VAMP4: variants seen among roughly 807,000 people sequenced by gnomAD.
VAMP4 encodes the protein vesicle-associated membrane protein 4.
In VAMP4, 19 loss-of-function variants were observed where a neutral mutation model predicts 23.5. The ratio of observed to expected loss-of-function variants is 0.81; its 90% confidence interval spans 0.56 to 1.19. The LOEUF (loss-of-function observed/expected upper bound fraction) is 1.19, where lower values mean the gene tolerates loss of function less well. Among genes scored for constraint, VAMP4 ranks in the 50% most tolerant of loss-of-function variants. The probability of loss-of-function intolerance (pLI) is 0.00; values close to 1 mark genes in which losing one functional copy is unlikely to be tolerated. For synonymous variants in VAMP4, 31 were observed against 51.0 expected, an observed-to-expected ratio of 0.61 and a Z score of 1.67; for missense variants, 145 against 168.6, an observed-to-expected ratio of 0.86 and a Z score of 0.78.
In VAMP4 at chr1:171,704,538, TAA is replaced by T. The variant is rs749290017; in HGVS notation, c.398-6_398-5del. The T allele has an allele frequency of 1.3e-5, 20 of 1,577,400 alleles. No homozygotes were observed. The highest frequency in any genetic ancestry group is 1.7e-4 in the Middle Eastern group (1 of 5,938). On this transcript the variant is annotated splice_polypyrimidine_tract_variant and splice_region_variant and intron_variant, in intron 7 of 7. Coordinates refer to ENST00000236192, the MANE Select transcript of VAMP4 (RefSeq NM_003762.5). ...CGGTATTTCATGACTATAAGAACTG[TAA>T]GAGAAAACATGAAAAAAGCAATATA... is the stretch of plus-strand genomic sequence containing the variant.
intron 3 of VAMP4, among the ~76,000 whole-genome samples, chr1:171,722,952 A>G (rs1655243554): frequency 6.6e-6 from 1 of 152,210 alleles, no homozygotes; most frequent in African/African-American, 2.4e-5. Flanking sequence ...CGATAATTCA[A>G]CATAGGACCT....
At chr1:171,706,468 G>T in intron 6 of VAMP4, 50 bp from the exon 7 acceptor site, 6 of 1,533,612 alleles carry the variant, frequency 3.9e-6, no homozygotes, top group Non-Finnish European at 5.3e-6. Flanking sequence ...TGTTAATAAA[G>T]TCAAGACTAT....
intron 4 of VAMP4, among the ~76,000 whole-genome samples, chr1:171,718,679 T>C (rs1345620810): frequency 1.3e-5 from 2 of 152,124 alleles, no homozygotes; most frequent in Admixed American, 1.3e-4. Flanking sequence ...ATTAAAGCTA[T>C]TATATTACCT....
intron 4 of VAMP4, among the ~76,000 whole-genome samples, chr1:171,712,914 A>G (rs1654896179): frequency 6.6e-6 from 1 of 152,218 alleles, no homozygotes; most frequent in African/African-American, 2.4e-5. Context: ...TAGCTGTGAA[A>G]CAGCATGCTT....
intron 4 of VAMP4, among the ~76,000 whole-genome samples, chr1:171,712,565 A>G (rs1014592209): frequency 6.6e-6 from 1 of 152,176 alleles, no homozygotes; most frequent in African/African-American, 2.4e-5. Context: ...ACAGCATCCC[A>G]GAGTTCTGTG....
In VAMP4 at chr1:171,701,691, C is replaced by T. The variant is rs1654458838; in HGVS notation, c.*2815G>A. ...TCTATATCTCATGTCTATTAATTAC[C>T]CTTCCTCCATCTTATATAATATTCC... On this transcript the variant is annotated 3_prime_UTR_variant, in exon 8 of 8. Transcript: ENST00000236192. 6.6e-6 allele frequency: 1 copy of T among 152,028 alleles called. No homozygotes were observed. The highest frequency in any genetic ancestry group is 2.4e-5 in the African/African-American group (1 of 41,416). 9.4% of individuals were successfully genotyped at this position (152,028 alleles called of 1,614,324 possible).
At chr1:171,718,242 AC>A (rs1655080604) in intron 4 of VAMP4, among the ~76,000 whole-genome samples, 2 of 152,322 alleles carry the variant, frequency 1.3e-5, no homozygotes, top group Admixed American at 1.3e-4. Flanking sequence ...CTTCACACCA[AC>A]AGCTACCTGA....
In VAMP4 at chr1:171,736,648, AAAAACAAAACAAAACAAAAC is replaced by A. The variant is rs59682689; in HGVS notation, c.66+1681_66+1700del. Among the ~76,000 whole-genome samples the A allele has an allele frequency of 3.6e-3, 545 of 150,080 alleles. 1 individual carries two copies. The highest frequency in any genetic ancestry group is 0.013 in the African/African-American group (509 of 40,576). On this transcript the variant is annotated intron_variant, in intron 2 of 7. Transcript: ENST00000236192. ...ATTGGTGGATTCTATTTCCCCATTAAAAAACAAAACAAAACAAAACAAAACAAAACAAAACAAAACAAAAC... is the reference window on the plus strand; with the variant it reads ...ATTGGTGGATTCTATTTCCCCATTAAAAAACAAAACAAAACAAAACAAAAC...
chr1:171,723,204 G>A (rs992005934), intron 3 of VAMP4, among the ~76,000 whole-genome samples: 1 of 152,130 alleles, frequency 6.6e-6, no homozygotes, highest in African/African-American at 2.4e-5. Flanking sequence ...CAAGGCAAAT[G>A]GGGGCAGAGC....
intron 2 of VAMP4, among the ~76,000 whole-genome samples, chr1:171,734,440 C>T (rs1655671480): frequency 6.6e-6 from 1 of 151,950 alleles, no homozygotes; most frequent in Non-Finnish European, 1.5e-5. Flanking sequence ...TGCTTAGAGG[C>T]TGAGGGGATA....
chr1:171,738,201 G>A (rs1186758498), intron 2 of VAMP4, 148 bp downstream of exon 2: 2 of 794,494 alleles, frequency 2.5e-6, no homozygotes, highest in Non-Finnish European at 4.0e-6. Flanking sequence ...TGAACTTCTG[G>A]GCTCAAGCTA....
chr1:171,724,257 G>A (rs1046788279), intron 3 of VAMP4, among the ~76,000 whole-genome samples: 26 of 148,250 alleles, frequency 1.8e-4, no homozygotes, highest in African/African-American at 6.2e-4. Flanking sequence ...CTCACTCATA[G>A]GTGGGAACTG....
chr1:171,734,671 G>T (rs1023477484), intron 2 of VAMP4, among the ~76,000 whole-genome samples: 1 of 152,044 alleles, frequency 6.6e-6, no homozygotes, highest in Non-Finnish European at 1.5e-5. Context: ...ACTTTTAAAA[G>T]ATTTTAAAAG....
At chr1:171,737,723 A>G (rs1476380400) in intron 2 of VAMP4, among the ~76,000 whole-genome samples, 1 of 152,184 alleles carries the variant, frequency 6.6e-6, no homozygotes. Flanking sequence ...CTGTTACATA[A>G]TATGTTCTTA....
In VAMP4 at chr1:171,708,897, G is replaced by A. The variant is rs12031151; in HGVS notation, c.345+768C>T. Among the ~76,000 whole-genome samples the A allele has an allele frequency of 4.9e-3, 698 of 143,538 alleles. 26 individuals are homozygous for A. The East Asian group carries it at 0.1, about 21-fold the overall frequency. 94.2% of individuals were successfully genotyped at this position (143,538 alleles called of 152,430 possible). ...CAAAGAAAAAAAAAAAAAAAAAAAG[G>A]AGAGTTATTGCTAAACTTGAAATTG... On this transcript the variant is annotated intron_variant, in intron 6 of 7. Transcript: ENST00000236192.
In VAMP4 at chr1:171,728,535, CTCT is replaced by C. The variant is rs1655448499; in HGVS notation, c.99_101del (p.Glu34del). On this transcript the variant is annotated inframe_deletion, in exon 3 of 8. Coordinates refer to ENST00000236192, the MANE Select transcript of VAMP4 (RefSeq NM_003762.5). The stretch of plus-strand genomic sequence containing the variant: ...AAAAAAAAACTTACAGAAAAAAGTC[CTCT>C]TCTTCATCTGAATCATCTTCCAAAA... The C allele has an allele frequency of 1.3e-6, 2 of 1,543,980 alleles. No individual in the cohort carries two copies. Among genetic ancestry groups the C allele is most frequent in the South Asian group, 1.2e-5 (1 of 81,474 alleles).
At chr1:171,719,845 A>C (rs974428093) in intron 3 of VAMP4, among the ~76,000 whole-genome samples, 1 of 152,050 alleles carries the variant, frequency 6.6e-6, no homozygotes, top group African/African-American at 2.4e-5. Context: ...CACCTTAACC[A>C]ATCCATTTTA....
At chr1:171,718,365 T>C (rs916969259) in intron 4 of VAMP4, among the ~76,000 whole-genome samples, 3 of 152,196 alleles carry the variant, frequency 2.0e-5, no homozygotes, top group East Asian at 3.8e-4. Flanking sequence ...CCTTAGGTCT[T>C]GAACCTGGGC....
intron 2 of VAMP4, among the ~76,000 whole-genome samples, chr1:171,734,072 A>G (rs1436895313): frequency 6.6e-6 from 1 of 152,138 alleles, no homozygotes; most frequent in East Asian, 1.9e-4. Flanking sequence ...GTTCGAGACT[A>G]GCCTGGCCAA....
Sources: allele counts gnomAD v4.1 joint callset (sites outside exome capture counted in the v4.1 genomes callset), GRCh38; gene constraint gnomAD v4.1.1; transcripts MANE v1.5; gene names NCBI Gene and HGNC (gene_info 2026-07-23, HGNC 2026-07-21).